Variants in RALYL observed in about 807,000 individuals in gnomAD.
RALYL encodes RNA-binding Raly-like protein.
Under a neutral mutation model 35.1 loss-of-function variants are expected in RALYL, and 29 were observed. The ratio of observed to expected loss-of-function variants is 0.83; its 90% CI spans 0.61 to 1.13. RALYL has a LOEUF of 1.13. RALYL is among the 50% of genes most tolerant of loss of function. The probability of loss-of-function intolerance (pLI) is 0.00; values close to 1 mark genes in which losing one functional copy is unlikely to be tolerated. For missense variants in RALYL, 359 were observed against 360.4 expected (o/e 1.00, Z 0.03); for synonymous variants, 120 against 127.6 (o/e 0.94, Z 0.40).
intron 8 of RALYL, among the ~76,000 whole-genome samples, chr8:84,892,568 C>G (rs1466261050): frequency 6.6e-6 from 1 of 151,098 alleles, no homozygotes; most frequent in Non-Finnish European, 1.5e-5. Context: ...TGAGATTGAG[C>G]CATTGCACTC....
Position 84,907,326 on chromosome 8 carries a change from A to T in RALYL, c.859-13568A>T, listed in dbSNP as rs866145723. On this transcript the variant is annotated intron_variant, in intron 8 of 8. Transcript: ENST00000521268. The stretch of plus-strand genomic sequence containing the variant: ...GATATAGCGTCACACACACACACAC[A>T]CACACACACACACACACACACACAC... Among the ~76,000 whole-genome samples the T allele has an allele frequency of 6.7e-3, 1,024 of 151,786 alleles. 11 individuals are homozygous for T. Among genetic ancestry groups the T allele is most frequent in the African/African-American group, 0.023 (950 of 41,390 alleles).
intron 1 of RALYL, among the ~76,000 whole-genome samples, chr8:84,317,736 A>G (rs1048446421): frequency 2.0e-5 from 3 of 152,170 alleles, no homozygotes; most frequent in African/African-American, 7.2e-5. Context: ...AGTGTCTGCT[A>G]TATAATTGAA....
At chr8:84,709,976 G>C (rs549132401) in intron 2 of RALYL, among the ~76,000 whole-genome samples, 2 of 151,978 alleles carry the variant, frequency 1.3e-5, no homozygotes, top group Admixed American at 1.3e-4. Context: ...CACAATAATC[G>C]CTTGAACCCA....
At chr8:84,861,617 A>G (rs1395705627) in intron 5 of RALYL, among the ~76,000 whole-genome samples, 1 of 152,220 alleles carries the variant, frequency 6.6e-6, no homozygotes, top group Non-Finnish European at 1.5e-5. Context: ...TAATTAAAAG[A>G]TATCTTGATA....
At chr8:84,410,410 G>T (rs774740588) in intron 1 of RALYL, among the ~76,000 whole-genome samples, 18 of 151,870 alleles carry the variant, frequency 1.2e-4, no homozygotes, top group Non-Finnish European at 2.2e-4. Flanking sequence ...ATAAGTAAAT[G>T]ATTTAATTAA....
At chr8:84,460,639 A>G (rs772776331) in intron 1 of RALYL, among the ~76,000 whole-genome samples, 1 of 151,748 alleles carries the variant, frequency 6.6e-6, no homozygotes, top group Non-Finnish European at 1.5e-5. Flanking sequence ...TGTGTATAAG[A>G]TACTTTCAAA....
Position 84,763,810 on chromosome 8 carries a change from A to G in RALYL, c.257-10769A>G, listed in dbSNP as rs558255237. Among the ~76,000 whole-genome samples the G allele has an allele frequency of 2.6e-5, 4 of 152,332 alleles. No homozygotes were observed. In the East Asian group the frequency reaches 7.7e-4, roughly 29 times the overall value. On this transcript the variant is annotated intron_variant, in intron 2 of 8. Transcript: ENST00000521268. ...GAATTAAGTAAATACAAACTTGTTAATTAACGGCATTATCATTTCGTGTTT... is the reference window on the plus strand; with the variant it reads ...GAATTAAGTAAATACAAACTTGTTAGTTAACGGCATTATCATTTCGTGTTT...
In RALYL at chr8:84,274,755, C is replaced by T. The variant is rs985563591; in HGVS notation, c.-24+90331C>T. Reference sequence around the variant, plus strand: ...GTTTTATTGAAAGTCTCCTATATTACGAAGAGAAGATTAAAAACTAAAGCT... The same window carrying T: ...GTTTTATTGAAAGTCTCCTATATTATGAAGAGAAGATTAAAAACTAAAGCT... On this transcript the variant is annotated intron_variant, in intron 1 of 8. Transcript: ENST00000521268. Among the ~76,000 whole-genome samples, 13 of 152,160 alleles carry T rather than the reference C, an allele frequency of 8.5e-5. No homozygotes were observed. In the South Asian group the frequency reaches 1.2e-3, roughly 15 times the overall value.
intron 1 of RALYL, among the ~76,000 whole-genome samples, chr8:84,318,410 A>G (rs73306940): frequency 0.013 from 1,912 of 152,288 alleles, 55 homozygotes; most frequent in African/African-American, 0.043. Flanking sequence ...TGCTCTAGCC[A>G]TGGTAATCTT....
At chr8:84,631,766 T>G (rs1823956937) in intron 2 of RALYL, among the ~76,000 whole-genome samples, 1 of 151,920 alleles carries the variant, frequency 6.6e-6, no homozygotes, top group African/African-American at 2.4e-5. Context: ...ATCCTTCTTT[T>G]TGATATAATT....
At chr8:84,228,546 A>T (rs573533708) in intron 1 of RALYL, among the ~76,000 whole-genome samples, 188 of 152,316 alleles carry the variant, frequency 1.2e-3, no homozygotes, top group Non-Finnish European at 2.2e-3. Flanking sequence ...TGGCAGATAG[A>T]GGAAAACACT....
At chr8:84,598,001 G>A (rs1389105035) in intron 2 of RALYL, among the ~76,000 whole-genome samples, 1 of 152,050 alleles carries the variant, frequency 6.6e-6, no homozygotes, top group East Asian at 1.9e-4. Flanking sequence ...GAGAAACCTA[G>A]CCTCCTGAGC....
chr8:84,534,275 C>G (rs921872084), intron 2 of RALYL, among the ~76,000 whole-genome samples: 1 of 152,216 alleles, frequency 6.6e-6, no homozygotes, highest in Non-Finnish European at 1.5e-5. Flanking sequence ...CTCTGCACCA[C>G]CTCACCCTAC....
intron 1 of RALYL, among the ~76,000 whole-genome samples, chr8:84,368,921 T>A (rs945877913): frequency 6.6e-6 from 1 of 152,168 alleles, no homozygotes; most frequent in African/African-American, 2.4e-5. Flanking sequence ...TAATTCCCCA[T>A]CAACTTCATG....
chr8:84,609,207 C>A (rs1373960534), intron 2 of RALYL, among the ~76,000 whole-genome samples: 5 of 152,074 alleles, frequency 3.3e-5, no homozygotes, highest in African/African-American at 1.2e-4. Context: ...TGAATCCCTC[C>A]CAATGTGTAG....
At chr8:84,863,327 G>C (rs1390149755) in intron 6 of RALYL, among the ~76,000 whole-genome samples, 3 of 152,176 alleles carry the variant, frequency 2.0e-5, no homozygotes, top group African/African-American at 7.2e-5. Context: ...AAAATGGTCA[G>C]TGCAGAGACC....
At chr8:84,373,601 T>C (rs992571582) in intron 1 of RALYL, among the ~76,000 whole-genome samples, 9 of 152,080 alleles carry the variant, frequency 5.9e-5, no homozygotes, top group Non-Finnish European at 8.8e-5. Context: ...ACAAATACTA[T>C]GCTGCTTCGG....
chr8:84,482,352 A>G (rs1343472184), intron 1 of RALYL, among the ~76,000 whole-genome samples: 2 of 152,114 alleles, frequency 1.3e-5, no homozygotes, highest in African/African-American at 4.8e-5. Context: ...TGATCTGGTT[A>G]TAGTGAATAT....
rs2130816487 is a variant in RALYL at position 84,337,188 on chromosome 8, T to C, written c.-24+152764T>C. On this transcript the variant is annotated intron_variant, in intron 1 of 8. Coordinates refer to ENST00000521268, the MANE Select transcript of RALYL (RefSeq NM_173848.7). ...TTACTATTTTGTTTTCACAAGTGTT[T>C]GGTGCATATTTGATTCATTTCAGTA... Among the ~76,000 whole-genome samples the C allele has an allele frequency of 1.3e-5, 2 of 152,012 alleles. 1 individual carries two copies. The highest frequency in any genetic ancestry group is 4.2e-4 in the South Asian group (2 of 4,798).
Sources: gnomAD v4.1 joint callset for allele counts (sites outside exome capture counted in the v4.1 genomes callset) on GRCh38, gnomAD v4.1.1 for gene constraint, MANE v1.5 for transcripts, NCBI Gene and HGNC (gene_info 2026-07-23, HGNC 2026-07-21) for gene names.